UVRAG: variants seen among roughly 807,000 people sequenced by gnomAD.
UVRAG encodes UV radiation resistance-associated gene protein.
UVRAG carries 19 observed loss-of-function variants against 78.0 expected under a neutral mutation model. The observed-to-expected ratio is 0.24, with a 90% CI of 0.17 to 0.36. The LOEUF (loss-of-function observed/expected upper bound fraction) is 0.36, where lower values mean the gene tolerates loss of function less well. Ranked by LOEUF, UVRAG falls within the 10% of genes least tolerant of loss-of-function variation. The probability of loss-of-function intolerance (pLI) is 1.00; values close to 1 mark genes in which losing one functional copy is unlikely to be tolerated. For synonymous variants in UVRAG, 323 were observed against 324.6 expected (o/e 1.00, Z 0.05); for missense variants, 740 against 853.8 (o/e 0.87, Z 1.66).
intron 6 of UVRAG, among the ~76,000 whole-genome samples, chr11:75,934,515 T>G (rs2135117272): frequency 6.6e-6 from 1 of 152,318 alleles, no homozygotes; most frequent in African/African-American, 2.4e-5. Context: ...ATTGGATTGT[T>G]TATAACACAA....
At chr11:75,918,550 C>G (rs1281837106) in intron 6 of UVRAG, among the ~76,000 whole-genome samples, 1 of 152,136 alleles carries the variant, frequency 6.6e-6, no homozygotes, top group African/African-American at 2.4e-5. Flanking sequence ...CCACTCCCTA[C>G]TTGTATAATC....
At chr11:75,822,469 G>A (rs1249392658) in intron 1 of UVRAG, among the ~76,000 whole-genome samples, 1 of 152,132 alleles carries the variant, frequency 6.6e-6, no homozygotes, top group South Asian at 2.1e-4. Context: ...CTTAGAGTTA[G>A]TATCATATTC....
intron 6 of UVRAG, among the ~76,000 whole-genome samples, chr11:75,958,320 G>A (rs1241244604): frequency 6.6e-6 from 1 of 152,154 alleles, no homozygotes; most frequent in East Asian, 1.9e-4. Context: ...TTTCAAAATT[G>A]GAGTCCGTCC....
chr11:75,963,770 A>G (rs754108817), intron 7 of UVRAG, among the ~76,000 whole-genome samples: 3 of 151,974 alleles, frequency 2.0e-5, no homozygotes. Flanking sequence ...ATTTAATTTT[A>G]TTTCTTATGA....
At chr11:76,100,957 G>T (rs1219929732) in intron 13 of UVRAG, among the ~76,000 whole-genome samples, 1 of 152,060 alleles carries the variant, frequency 6.6e-6, no homozygotes, top group East Asian at 1.9e-4. Context: ...TTTTATGGCG[G>T]CATAATATTC....
In UVRAG at chr11:75,882,251, CTG is replaced by C. The variant is rs147925083; in HGVS notation, c.432+2213_432+2214del. Among the ~76,000 whole-genome samples, 469 of 152,176 alleles carry C rather than the reference CTG, an allele frequency of 3.1e-3. 1 individual carries two copies. The highest frequency in any genetic ancestry group is 0.011 in the African/African-American group (448 of 41,516). On this transcript the variant is annotated intron_variant, in intron 4 of 14. Coordinates refer to ENST00000356136, the MANE Select transcript of UVRAG (RefSeq NM_003369.4). ...CTGGGCCAGGTGTGGTGGCTCATGC[CTG>C]TAACCTTGGGAGCAGTTTGGGAGGC...
chr11:75,852,045 T>A (rs780070035), intron 2 of UVRAG, 45 bp downstream of exon 2: 2 of 1,400,782 alleles, frequency 1.4e-6, no homozygotes, highest in Non-Finnish European at 2.0e-6. Flanking sequence ...GTTATATTTT[T>A]ATTTTTTTTG....
At chr11:75,944,518 C>G (rs1294027519) in intron 6 of UVRAG, among the ~76,000 whole-genome samples, 2 of 152,060 alleles carry the variant, frequency 1.3e-5, no homozygotes, top group Admixed American at 1.3e-4. Flanking sequence ...TTCAACATGT[C>G]CATTCATTTG....
chr11:75,983,602 G>A, intron 8 of UVRAG, 89 bp downstream of exon 8: 1 of 1,440,810 alleles, frequency 6.9e-7, no homozygotes, highest in African/African-American at 1.4e-5. Context: ...GTCATTTTTT[G>A]TGTAAATACA....
chr11:75,822,144 A>G (rs1945406971), intron 1 of UVRAG, among the ~76,000 whole-genome samples: 2 of 151,984 alleles, frequency 1.3e-5, no homozygotes, highest in South Asian at 2.1e-4. Flanking sequence ...GGGTTTCACC[A>G]TGTTGGCCAG....
intron 7 of UVRAG, among the ~76,000 whole-genome samples, chr11:75,978,742 C>T (rs187644826): frequency 3.7e-4 from 56 of 152,236 alleles, no homozygotes; most frequent in African/African-American, 9.4e-4. Flanking sequence ...GTCTTCTCTA[C>T]GCTGTTTATT....
At chr11:76,046,746 C>T (rs945755027) in intron 12 of UVRAG, among the ~76,000 whole-genome samples, 2 of 151,812 alleles carry the variant, frequency 1.3e-5, no homozygotes, top group Non-Finnish European at 2.9e-5. Context: ...ATTTTTAAAG[C>T]CATAGGGTCG....
chr11:76,035,864 T>C (rs1266568469), intron 12 of UVRAG, among the ~76,000 whole-genome samples: 1 of 152,230 alleles, frequency 6.6e-6, no homozygotes, highest in African/African-American at 2.4e-5. Flanking sequence ...TCGCCTTGTT[T>C]CATGCCTTTT....
chr11:75,911,864 G>A (rs976263258), intron 5 of UVRAG, 90 bp from the exon 6 acceptor site: 5 of 882,702 alleles, frequency 5.7e-6, no homozygotes, highest in African/African-American at 3.3e-5. Flanking sequence ...TTGTTAATAT[G>A]TCATATTTTT....
chr11:75,958,776 A>G (rs1219452263), intron 6 of UVRAG, among the ~76,000 whole-genome samples: 2 of 152,216 alleles, frequency 1.3e-5, no homozygotes, highest in African/African-American at 4.8e-5. Flanking sequence ...AGAAGAATCA[A>G]TTATCTGTGG....
At chr11:75,821,492 A>G (rs1413012098) in intron 1 of UVRAG, among the ~76,000 whole-genome samples, 1 of 152,134 alleles carries the variant, frequency 6.6e-6, no homozygotes, top group Non-Finnish European at 1.5e-5. Flanking sequence ...CTACAATGGC[A>G]TGTGCCTCCA....
intron 1 of UVRAG, among the ~76,000 whole-genome samples, chr11:75,829,605 CCTT>C (rs201818850): frequency 0.011 from 1,709 of 152,288 alleles, 31 homozygotes; most frequent in African/African-American, 0.038. Context: ...ATGGACCTAA[CCTT>C]CTGGTGCATG....
chr11:75,886,890 A>G (rs1158663064), intron 4 of UVRAG, among the ~76,000 whole-genome samples: 1 of 151,776 alleles, frequency 6.6e-6, no homozygotes, highest in African/African-American at 2.4e-5. Context: ...CTGATGAAGT[A>G]ACTAAAGCTA....
At chr11:76,066,046 G>T (rs1243181718) in intron 13 of UVRAG, among the ~76,000 whole-genome samples, 1 of 152,108 alleles carries the variant, frequency 6.6e-6, no homozygotes, top group African/African-American at 2.4e-5. Context: ...TTTACTTGCT[G>T]GTAGACTATA....
Sources: allele counts gnomAD v4.1 joint callset (sites outside exome capture counted in the v4.1 genomes callset), GRCh38; gene constraint gnomAD v4.1.1; transcripts MANE v1.5; gene names NCBI Gene and HGNC (gene_info 2026-07-23, HGNC 2026-07-21).